Variants in PLXNB2 observed in about 807,000 individuals in gnomAD.
PLXNB2 encodes plexin B2.
A neutral mutation model predicts 202.6 loss-of-function variants in PLXNB2; 85 were observed. The observed-to-expected ratio is 0.42, with a 90% CI of 0.35 to 0.50. The LOEUF (loss-of-function observed/expected upper bound fraction) is 0.50. Among genes scored for constraint, PLXNB2 ranks in the 20% least tolerant of loss-of-function variants. The pLI is 0.02. For missense variants in PLXNB2, 2,063 were observed against 2,586.2 expected (o/e 0.80, Z 4.39); for synonymous variants, 1,239 against 1,137.6 (o/e 1.09, Z -1.79).
intron 1 of PLXNB2, among the ~76,000 whole-genome samples, chr22:50,295,535 GCTTGCTATTGTATCTTCC>G (rs1377163910): frequency 1.3e-5 from 2 of 152,156 alleles, no homozygotes; most frequent in Non-Finnish European, 2.9e-5. Flanking sequence ...ATTCAGCAAT[GCTTGCTATTGTATCTTCC>G]CTTGCTATTG....
intron 7 of PLXNB2, among the ~76,000 whole-genome samples, 165 bp from the exon 8 acceptor site, chr22:50,287,429 C>T (rs1156799371): frequency 6.6e-6 from 1 of 152,138 alleles, no homozygotes; most frequent in Non-Finnish European, 1.5e-5. Context: ...CCCAGCAACT[C>T]CTGGGACAGG....
In PLXNB2 at chr22:50,307,614, C is replaced by T. The variant is rs1440855395; in HGVS notation, c.-135G>A. 1 of 981,772 alleles carries T rather than the reference C, an allele frequency of 1.0e-6. No individual in the cohort carries two copies. Among genetic ancestry groups the T allele is most frequent in the East Asian group, 1.2e-4 (1 of 8,602 alleles). 60.8% of individuals were successfully genotyped at this position (981,772 alleles called of 1,614,324 possible). A position where few individuals can be genotyped will look rare whatever the true frequency, so the allele number is the denominator to read the frequency against. On this transcript the variant is annotated 5_prime_UTR_variant, in exon 1 of 37. Coordinates refer to ENST00000359337, the MANE Select transcript of PLXNB2 (RefSeq NM_012401.4). ...CCGCGCTCGGCGCTGCGCTCTGGCC[C>T]GCGCTGCTGCCATGGAGACGGGGCC...
intron 1 of PLXNB2, chr22:50,301,523 G>A (rs2067682980): frequency 2.3e-6 from 1 of 425,732 alleles, no homozygotes; most frequent in African/African-American, 2.2e-5. Context: ...TCAGTCACTT[G>A]GAGTCTCTCC....
Position 50,300,745 on chromosome 22 carries a change from G to A in PLXNB2, c.-73-5967C>T, listed in dbSNP as rs1442994555. Among the ~76,000 whole-genome samples the A allele has an allele frequency of 2.0e-5, 3 of 152,192 alleles. No homozygotes were observed. In the East Asian group the frequency reaches 5.8e-4, roughly 29 times the overall value. Reference sequence around the variant, plus strand: ...AGCCTCCCCTGCAGTCTGGGCTCTGGGTCCCAGCAGGAAAAGTCACCCTGG... The same window carrying A: ...AGCCTCCCCTGCAGTCTGGGCTCTGAGTCCCAGCAGGAAAAGTCACCCTGG... On this transcript the variant is annotated intron_variant, in intron 1 of 36. Coordinates refer to ENST00000359337, the MANE Select transcript of PLXNB2 (RefSeq NM_012401.4).
intron 1 of PLXNB2, among the ~76,000 whole-genome samples, chr22:50,299,914 T>TC (rs1240876008): frequency 1.3e-5 from 2 of 151,936 alleles, no homozygotes; most frequent in Admixed American, 1.3e-4. Context: ...GCACAGCCCC[T>TC]CCCCCGGCGC....
intron 1 of PLXNB2, among the ~76,000 whole-genome samples, chr22:50,303,671 G>A (rs1033722153): frequency 2.6e-5 from 4 of 152,216 alleles, no homozygotes; most frequent in Non-Finnish European, 4.4e-5. Flanking sequence ...CCCAGAAATC[G>A]GTGCTGGACA....
intron 1 of PLXNB2, among the ~76,000 whole-genome samples, chr22:50,300,619 C>T (rs1449946679): frequency 6.6e-6 from 1 of 152,226 alleles, no homozygotes; most frequent in Admixed American, 6.5e-5. Flanking sequence ...GCGTCTACAG[C>T]GGTCCCCGCT....
At position 50,281,561 on chromosome 22, in the gene PLXNB2, C is replaced by G; in HGVS notation, c.3522+5G>C. The G allele has an allele frequency of 6.2e-7, 1 of 1,610,554 alleles. No individual in the cohort carries two copies. The highest frequency in any genetic ancestry group is 8.5e-7 in the Non-Finnish European group (1 of 1,178,570). On this transcript the variant is annotated splice_donor_5th_base_variant and intron_variant, in intron 21 of 36. Transcript: ENST00000359337. ...GGCACCCCCCGCCAGTCCCCGCTCACGCACAATGAACTCGGGCAGGTTGTG... is the reference window on the plus strand; with the variant it reads ...GGCACCCCCCGCCAGTCCCCGCTCAGGCACAATGAACTCGGGCAGGTTGTG...
rs1380564488 is a variant in PLXNB2, at chr22:50,287,133, G to A, written c.1740C>T (p.Ile580=). Residue 580 remains isoleucine, a synonymous_variant, in exon 8 of 37, where the codon ATC becomes ATT. Coordinates refer to ENST00000359337, the MANE Select transcript of PLXNB2 (RefSeq NM_012401.4). ...CACCCTGGCCTGGCGGTGTGACGGG[G>A]ATGCTGCTTGGGGAGTTGCAGATGA... ...EAVICNSPSS[I]PVTPPGQDHV... is the part of the protein sequence containing the mutation. The A allele has an allele frequency of 2.3e-5, 36 of 1,533,848 alleles. No individual in the cohort carries two copies. The highest frequency in any genetic ancestry group is 3.2e-5 in the Non-Finnish European group (36 of 1,137,794).
At position 50,284,055 on chromosome 22, in the gene PLXNB2, C is replaced by T. The variant is rs374268688; in HGVS notation, c.2264-65G>A. ...CCCGCCCCCGACCTGCTCCCCACTG[C>T]GCCCACCTGTCCCCCCACCCACCGC... On this transcript the variant is annotated intron_variant, in intron 13 of 36. Coordinates refer to ENST00000359337, the MANE Select transcript of PLXNB2 (RefSeq NM_012401.4). The surrounding 1 kb of genome is among the most constrained non-coding windows in gnomAD (Gnocchi z 8.0). 7.9e-6 allele frequency: 12 copies of T among 1,526,946 alleles called. No homozygotes were observed. Among genetic ancestry groups the T allele is most frequent in the South Asian group, 3.6e-5 (3 of 83,090 alleles). The allele number at this position is 1,526,946 out of a possible 1,614,324, so 94.6% of individuals were successfully genotyped here. A position where few individuals can be genotyped will look rare whatever the true frequency, so the allele number is the denominator to read the frequency against.
Position 50,286,282 on chromosome 22 carries a change from C to T in PLXNB2, c.1768G>A (p.Val590Met), listed in dbSNP as rs775569687. ...AGGAGGAGCTGGATGGTCACGGCCA[C>T]GTGGTCTGCAGACAGCAGAGGGGGA... ...IPVTPPGQDH[V>M]AVTIQLLLRR... Residue 590 changes from valine to methionine, a missense_variant, in exon 9 of 37, where the codon GTG (valine) becomes ATG (methionine). By Grantham distance (21) the Val-to-Met change is conservative (BLOSUM62 1). This residue lies in a region of PLXNB2 where 1,303 missense variants were observed against 1,476.8 expected (regional missense o/e 0.88). Transcript: ENST00000359337. 1.2e-6 allele frequency: 2 copies of T among 1,611,644 alleles called. No individual in the cohort carries two copies. Among genetic ancestry groups the T allele is most frequent in the East Asian group, 2.2e-5 (1 of 44,872 alleles).
intron 2 of PLXNB2, 88 bp from the exon 3 acceptor site, chr22:50,290,685 CAT>C: frequency 3.7e-6 from 5 of 1,366,384 alleles, no homozygotes; most frequent in Non-Finnish European, 4.8e-6. Context: ...AACGTCAGAA[CAT>C]GGGAGAGAGG....
chr22:50,302,126 G>GC (rs1451428963), intron 1 of PLXNB2, among the ~76,000 whole-genome samples: 1 of 152,224 alleles, frequency 6.6e-6, no homozygotes, highest in Non-Finnish European at 1.5e-5. Flanking sequence ...TGGGGTGGGG[G>GC]CAGGGCCGTC....
In PLXNB2 at chr22:50,290,589, C is replaced by G; in HGVS notation, c.-5G>C. 1.9e-6 allele frequency: 3 copies of G among 1,596,284 alleles called. No individual in the cohort carries two copies. The highest frequency in any genetic ancestry group is 2.6e-6 in the Non-Finnish European group (3 of 1,172,816). ...GGCCCAGAGCTGCAGTGCCATTGCCCCCCGCACCCTGTGGGAAGAGAGAAG... is the reference window on the plus strand; with the variant it reads ...GGCCCAGAGCTGCAGTGCCATTGCCGCCCGCACCCTGTGGGAAGAGAGAAG... On this transcript the variant is annotated 5_prime_UTR_variant, in exon 3 of 37. Coordinates refer to ENST00000359337, the MANE Select transcript of PLXNB2 (RefSeq NM_012401.4).
Position 50,289,697 on chromosome 22 carries a change from G to A in PLXNB2, c.888C>T (p.Val296=). 6.2e-7 allele frequency: 1 copy of A among 1,611,114 alleles called. No individual in the cohort carries two copies. The highest frequency in any genetic ancestry group is 8.5e-7 in the Non-Finnish European group (1 of 1,179,910). Residue 296 remains valine (V), a synonymous_variant, in exon 3 of 37, where the codon GTC becomes GTT. Coordinates refer to ENST00000359337, the MANE Select transcript of PLXNB2 (RefSeq NM_012401.4). The surrounding 1 kb of genome is among the most constrained non-coding windows in gnomAD (Gnocchi z 8.0). ...APGSGRVLYA[V]FSRDSRSSGG... is the part of the protein sequence containing the mutation. ...CACTGCTCCGGCTGTCTCTGCTGAA[G>A]ACAGCATATAGCACCCTGCCAGAGC...
chr22:50,289,141 C>G lies in PLXNB2; in HGVS notation c.1070G>C (p.Gly357Ala). Residue 357 changes from glycine (G) to alanine (A), a missense_variant and splice_region_variant, in exon 4 of 37, where the codon GGC becomes GCC. Gly to Ala is a moderately conservative substitution (Grantham distance 60, BLOSUM62 0). Transcript: ENST00000359337. This position sits in a 1 kb window ranked among gnomAD's most constrained non-coding sequence, Gnocchi z 8.0. Reference sequence around the variant, plus strand: ...GCCACATGGGAAGCTCTTGCTGGAGCCCTGCGGACCACAGCGTGTCAATGG... The same window carrying G: ...GCCACATGGGAAGCTCTTGCTGGAGGCCTGCGGACCACAGCGTGTCAATGG... ...GDIQCGGHAPGSSKSFPCGSE... is the reference protein window; with the variant it reads ...GDIQCGGHAPASSKSFPCGSE... The G allele has an allele frequency of 6.4e-7, 1 of 1,565,978 alleles. No individual in the cohort carries two copies. The highest frequency in any genetic ancestry group is 8.6e-7 in the Non-Finnish European group (1 of 1,156,724).
In PLXNB2 at chr22:50,290,081, C is replaced by T; in HGVS notation, c.504G>A (p.Leu168=). The change falls in exon 3 of 37, where the codon CTG becomes CTA. Residue 168 remains leucine, a synonymous_variant. Coordinates refer to ENST00000359337, the MANE Select transcript of PLXNB2 (RefSeq NM_012401.4). The part of the protein sequence containing the change: ...SSTGPGGDRV[L]FVGKGNGPHD... ...GTGGCCCATTGCCTTTGCCCACAAA[C>T]AGCACGCGGTCACCACCAGGACCCG... 2 of 1,613,294 alleles carry T rather than the reference C, an allele frequency of 1.2e-6. No individual in the cohort carries two copies. The highest frequency in any genetic ancestry group is 1.7e-6 in the Non-Finnish European group (2 of 1,180,032).
At chr22:50,293,917 C>T (rs2067074525) in intron 2 of PLXNB2, among the ~76,000 whole-genome samples, 1 of 152,232 alleles carries the variant, frequency 6.6e-6, no homozygotes, top group Non-Finnish European at 1.5e-5. Context: ...AGCCTGACTC[C>T]CAGGGTCCTA....
intron 2 of PLXNB2, 94 bp downstream of exon 2, chr22:50,294,625 C>G (rs1038642019): frequency 5.0e-6 from 2 of 402,488 alleles, no homozygotes; most frequent in Non-Finnish European, 6.7e-6. Flanking sequence ...CTGGACAGAG[C>G]CTTGCAGACA....
Sources: allele counts gnomAD v4.1 joint callset (sites outside exome capture counted in the v4.1 genomes callset), GRCh38; gene constraint gnomAD v4.1.1; regional missense constraint gnomAD v4.1.1; non-coding constraint Gnocchi (gnomAD v3.1); transcripts MANE v1.5; gene names NCBI Gene and HGNC (gene_info 2026-07-23, HGNC 2026-07-21).